Variants in UNC13C observed in about 807,000 individuals in gnomAD.
The protein encoded by UNC13C is unc-13 homolog C.
A neutral mutation model predicts 245.4 loss-of-function variants in UNC13C; 174 were observed. The ratio of observed to expected loss-of-function variants is 0.71; its 90% CI spans 0.63 to 0.80. The LOEUF is 0.80. Ranked by LOEUF, UNC13C falls within the 30% of genes least tolerant of loss-of-function variation. The probability of loss-of-function intolerance (pLI) is 0.00; values close to 1 mark genes in which losing one functional copy is unlikely to be tolerated. For synonymous variants in UNC13C, 992 were observed against 895.1 expected (o/e 1.11, Z -1.93); for missense variants, 2,829 against 2,602.9 (o/e 1.09, Z -1.89).
intron 17 of UNC13C, among the ~76,000 whole-genome samples, chr15:54,351,569 A>G (rs2038983555): frequency 6.6e-6 from 1 of 152,200 alleles, no homozygotes; most frequent in African/African-American, 2.4e-5. Flanking sequence ...AGAAAATGGT[A>G]GATGTTACTT....
chr15:54,357,554 A>G (rs953194176), intron 17 of UNC13C, among the ~76,000 whole-genome samples: 2 of 152,062 alleles, frequency 1.3e-5, no homozygotes, highest in Non-Finnish European at 2.9e-5. Flanking sequence ...TTGTACACTG[A>G]TAAATATTCT....
intron 22 of UNC13C, 147 bp from the exon 23 acceptor site, chr15:54,506,970 T>C: frequency 2.0e-6 from 1 of 508,696 alleles, no homozygotes; most frequent in South Asian, 3.5e-5. Context: ...AGGGCATTCT[T>C]AGGCTCAGAA....
At chr15:54,143,592 T>G (rs767217248) in intron 3 of UNC13C, 28 bp from the exon 4 acceptor site, 1 of 1,607,068 alleles carries the variant, frequency 6.2e-7, no homozygotes, top group South Asian at 1.1e-5. Flanking sequence ...GCCTGTTTGT[T>G]TTGTTTTTCT....
intron 2 of UNC13C, among the ~76,000 whole-genome samples, chr15:54,120,648 G>A (rs1437968311): frequency 6.6e-6 from 1 of 151,926 alleles, no homozygotes; most frequent in Non-Finnish European, 1.5e-5. Context: ...GATGAATCTA[G>A]GAAAAAGTCA....
At chr15:54,173,228 A>T (rs1017818195) in intron 4 of UNC13C, among the ~76,000 whole-genome samples, 1 of 152,062 alleles carries the variant, frequency 6.6e-6, no homozygotes, top group Non-Finnish European at 1.5e-5. Flanking sequence ...GAAGTCCCAT[A>T]TAAATTTTTA....
rs887238071 is a variant in UNC13C at position 54,499,549 on chromosome 15, A to G, written c.5061-530A>G. On this transcript the variant is annotated intron_variant, in intron 20 of 32. Transcript: ENST00000260323. ...TGGGGGAATAAAGGGTGTTCTAAAT[A>G]AATGGTGCTAGATCAACTGGGCACA... 3.6e-4 allele frequency among the ~76,000 whole-genome samples: 55 copies of G among 152,278 alleles called. 1 individual carries two copies. The highest frequency in any genetic ancestry group is 5.2e-4 in the Admixed American group (8 of 15,278).
At chr15:54,262,469 G>A (rs1476096124) in intron 8 of UNC13C, among the ~76,000 whole-genome samples, 1 of 152,056 alleles carries the variant, frequency 6.6e-6, no homozygotes, top group Non-Finnish European at 1.5e-5. Flanking sequence ...AATAAAATAT[G>A]CCTATCAGAT....
At chr15:54,510,519 A>G (rs1894687871) in intron 23 of UNC13C, among the ~76,000 whole-genome samples, 1 of 151,064 alleles carries the variant, frequency 6.6e-6, no homozygotes. Context: ...GATACATCTC[A>G]GATATCTGTG....
intron 30 of UNC13C, among the ~76,000 whole-genome samples, chr15:54,576,894 C>T (rs1444553236): frequency 6.6e-6 from 1 of 152,194 alleles, no homozygotes; most frequent in Non-Finnish European, 1.5e-5. Flanking sequence ...GGATGCAAAG[C>T]AGGTGCTTAG....
At position 54,235,052 on chromosome 15, in the gene UNC13C, AT is replaced by A; in HGVS notation, c.3096del (p.Ile1032MetfsTer21). The part of the protein sequence containing the change: ...CGGAGGGLYG[I>X]DSMPDLRRKK... ...CAGGGCTGGAGGTGGACTTTATGGT[AT>A]TGACAGCATGCCGGATCTTCGCAGA... On this transcript the variant is annotated frameshift_variant, in exon 5 of 33. Coordinates refer to ENST00000260323, the MANE Select transcript of UNC13C (RefSeq NM_001080534.3). LOFTEE classifies it high-confidence loss of function. 6.2e-7 allele frequency: 1 copy of A among 1,613,918 alleles called. No homozygotes were observed. Among genetic ancestry groups the A allele is most frequent in the Non-Finnish European group, 8.5e-7 (1 of 1,179,856 alleles).
chr15:54,416,539 T>C (rs1187539134), intron 19 of UNC13C, among the ~76,000 whole-genome samples: 5 of 152,096 alleles, frequency 3.3e-5, no homozygotes, highest in African/African-American at 1.2e-4. Flanking sequence ...TCCTACCTCT[T>C]CCATCTTTGT....
At chr15:54,531,642 C>CT (rs557349442) in intron 25 of UNC13C, among the ~76,000 whole-genome samples, 17,062 of 143,438 alleles carry the variant, frequency 0.12, 1,076 homozygotes, top group Admixed American at 0.18. Context: ...AAGAGTGTTT[C>CT]TTTTTTTTTT....
chr15:54,075,214 G>A (rs557609172), intron 2 of UNC13C, among the ~76,000 whole-genome samples: 47 of 152,072 alleles, frequency 3.1e-4, no homozygotes, highest in South Asian at 2.7e-3. Flanking sequence ...GGCCGGGCGC[G>A]GTGGCTCATG....
At chr15:53,890,670 C>T in the UNC13C span, among the ~76,000 whole-genome samples, 1 of 152,144 alleles carries the variant, frequency 6.6e-6, no homozygotes, top group East Asian at 1.9e-4. Context: ...TTATAGTATT[C>T]TCTGATGGTA....
At chr15:54,625,510 G>A (rs1227955741) in intron 32 of UNC13C, among the ~76,000 whole-genome samples, 2 of 152,108 alleles carry the variant, frequency 1.3e-5, no homozygotes, top group Admixed American at 6.6e-5. Flanking sequence ...GGTGATGCCT[G>A]TCAGACTCTC....
At chr15:54,335,405 C>G (rs78732773) in intron 16 of UNC13C, among the ~76,000 whole-genome samples, 1 of 152,038 alleles carries the variant, frequency 6.6e-6, no homozygotes, top group East Asian at 1.9e-4. Context: ...TCCTGTTATT[C>G]TTTTTTCTCA....
chr15:53,847,646 G>A, the UNC13C span, among the ~76,000 whole-genome samples: 23 of 152,002 alleles, frequency 1.5e-4, no homozygotes, highest in African/African-American at 5.1e-4. Context: ...GATTAGAGGT[G>A]TGAGCCACTG....
At chr15:54,564,609 A>G (rs1414387618) in intron 29 of UNC13C, among the ~76,000 whole-genome samples, 2 of 152,066 alleles carry the variant, frequency 1.3e-5, no homozygotes, top group Non-Finnish European at 2.9e-5. Context: ...AAGTTCAGTG[A>G]CATTCTTCTG....
the UNC13C span, among the ~76,000 whole-genome samples, chr15:53,848,393 T>C: frequency 6.6e-6 from 1 of 152,172 alleles, no homozygotes; most frequent in East Asian, 1.9e-4. Flanking sequence ...TATTGAGATG[T>C]GTGTTATTTA....
Sources: allele counts gnomAD v4.1 joint callset (sites outside exome capture counted in the v4.1 genomes callset), GRCh38; gene constraint gnomAD v4.1.1; transcripts MANE v1.5; gene names NCBI Gene and HGNC (gene_info 2026-07-23, HGNC 2026-07-21).